Variants in BMP3 observed in about 807,000 individuals in gnomAD.
The protein encoded by BMP3 is bone morphogenetic protein 3, also known as bone morphogenetic protein 3 (osteogenic).
In BMP3, 23 loss-of-function variants were observed where a neutral mutation model predicts 38.1. The ratio of observed to expected loss-of-function variants is 0.60; its 90% CI spans 0.43 to 0.86. The LOEUF (loss-of-function observed/expected upper bound fraction) is 0.86, where lower values mean the gene tolerates loss of function less well. Ranked by LOEUF, BMP3 falls within the 40% of genes least tolerant of loss-of-function variation. The probability of loss-of-function intolerance (pLI) is 0.00; values close to 1 mark genes in which losing one functional copy is unlikely to be tolerated. For missense variants in BMP3, 628 were observed against 579.6 expected (o/e 1.08, Z -0.86); for synonymous variants, 258 against 225.7 (o/e 1.14, Z -1.28).
intron 1 of BMP3, among the ~76,000 whole-genome samples, chr4:81,045,396 T>C (rs930581740): frequency 6.6e-6 from 1 of 152,200 alleles, no homozygotes; most frequent in African/African-American, 2.4e-5. Context: ...TTTTATCTTA[T>C]TATGGAAGTT....
At chr4:81,042,860 G>C (rs1740116945) in intron 1 of BMP3, among the ~76,000 whole-genome samples, 1 of 152,150 alleles carries the variant, frequency 6.6e-6, no homozygotes, top group Admixed American at 6.5e-5. Context: ...TTGGGTAAAA[G>C]TATATGCTCC....
chr4:81,038,223 G>T (rs1195833211), intron 1 of BMP3, among the ~76,000 whole-genome samples: 1 of 151,986 alleles, frequency 6.6e-6, no homozygotes, highest in Non-Finnish European at 1.5e-5. Context: ...TGATGGTTTT[G>T]CCATAAAGAA....
At chr4:81,038,414 C>T (rs1476044798) in intron 1 of BMP3, among the ~76,000 whole-genome samples, 1 of 152,088 alleles carries the variant, frequency 6.6e-6, no homozygotes, top group Non-Finnish European at 1.5e-5. Flanking sequence ...GCACAGTTTG[C>T]CATGTAGTTG....
chr4:81,047,151 T>C (rs1042631764), intron 2 of BMP3, among the ~76,000 whole-genome samples: 7 of 152,202 alleles, frequency 4.6e-5, no homozygotes, highest in Non-Finnish European at 7.3e-5. Context: ...AGGATCAGGA[T>C]TGACTCAGGT....
chr4:81,042,702 T>G (rs1225527070), intron 1 of BMP3, among the ~76,000 whole-genome samples: 1 of 152,198 alleles, frequency 6.6e-6, no homozygotes, highest in Non-Finnish European at 1.5e-5. Flanking sequence ...CAGGATTGGT[T>G]TACCCATTAA....
intron 1 of BMP3, among the ~76,000 whole-genome samples, chr4:81,044,579 T>G (rs1047781507): frequency 2.0e-5 from 3 of 152,232 alleles, no homozygotes; most frequent in African/African-American, 4.8e-5. Flanking sequence ...TTCCAAAATA[T>G]TTCCACAATT....
At chr4:81,037,584 T>C (rs1328475344) in intron 1 of BMP3, among the ~76,000 whole-genome samples, 1 of 152,148 alleles carries the variant, frequency 6.6e-6, no homozygotes, top group East Asian at 1.9e-4. Context: ...AGTTTTGAAG[T>C]CCTATATAAA....
chr4:81,048,790 A>C (rs1740328494), intron 2 of BMP3, among the ~76,000 whole-genome samples: 1 of 152,232 alleles, frequency 6.6e-6, no homozygotes, highest in Non-Finnish European at 1.5e-5. Context: ...AGGGCATCTT[A>C]AACCTTAATG....
In BMP3 at chr4:81,055,116, G is replaced by C. The variant is rs144041262; in HGVS notation, c.*1580G>C. 1.1e-3 allele frequency: 165 copies of C among 152,256 alleles called. No homozygotes were observed. The highest frequency in any genetic ancestry group is 3.7e-3 in the African/African-American group (154 of 41,554). The allele number at this position is 152,256 out of a possible 1,614,324, so 9.4% of individuals were successfully genotyped here. A position where few individuals can be genotyped will look rare whatever the true frequency, so the allele number is the denominator to read the frequency against. The stretch of plus-strand genomic sequence containing the variant: ...GCTGGCCATGAGCTGGAAGGGTTAA[G>C]TTTATAATTCCAGCTATTTCACACC... On this transcript the variant is annotated 3_prime_UTR_variant, in exon 3 of 3. Transcript: ENST00000282701.
chr4:81,038,776 A>G (rs1010331681), intron 1 of BMP3, among the ~76,000 whole-genome samples: 28 of 152,214 alleles, frequency 1.8e-4, no homozygotes, highest in African/African-American at 6.5e-4. Flanking sequence ...TTCATTCAAC[A>G]CACCTAACAA....
Position 81,031,607 on chromosome 4 carries a change from G to A in BMP3, c.316+7G>A. ...TTTCGGGCGGCAGCAGCAGGTGAGT[G>A]CGCGAGGTGAGACTCCCTTCCCGCG... On this transcript the variant is annotated splice_region_variant and intron_variant, in intron 1 of 2. Transcript: ENST00000282701. 1.9e-6 allele frequency: 3 copies of A among 1,577,148 alleles called. No homozygotes were observed. Among genetic ancestry groups the A allele is most frequent in the Non-Finnish European group, 2.6e-6 (3 of 1,163,548 alleles).
At position 81,046,256 on chromosome 4, in the gene BMP3, G is replaced by T; in HGVS notation, c.835G>T (p.Ala279Ser). 6.2e-7 allele frequency: 1 copy of T among 1,614,096 alleles called. No individual in the cohort carries two copies. Among genetic ancestry groups the T allele is most frequent in the Non-Finnish European group, 8.5e-7 (1 of 1,180,012 alleles). ...TCCCAAATGGGATAGCCACATCAGA[G>T]CTGCCCTTTCCATTGAGCGGAGGAA... ...TVPKWDSHIR[A>S]ALSIERRKKR... Residue 279 changes from alanine to serine, a missense_variant, in exon 2 of 3, where the codon GCT becomes TCT. Coordinates refer to ENST00000282701, the MANE Select transcript of BMP3 (RefSeq NM_001201.5).
Position 81,031,053 on chromosome 4 carries a change from C to G in BMP3, c.-232C>G, listed in dbSNP as rs1739737738. On this transcript the variant is annotated 5_prime_UTR_variant, in exon 1 of 3. Transcript: ENST00000282701. ...GAGACGGCGCCCGCAGCGCCCTGCG[C>G]GGGTGAGGTCCGCGCAGCTGCTGGG... 1 of 528,626 alleles carries G rather than the reference C, an allele frequency of 1.9e-6. No individual in the cohort carries two copies. Among genetic ancestry groups the G allele is most frequent in the African/African-American group, 2.0e-5 (1 of 49,000 alleles). The allele number at this position is 528,626 out of a possible 1,614,324, so 32.7% of individuals were successfully genotyped here.
chr4:81,040,278 T>C (rs190339717), intron 1 of BMP3, among the ~76,000 whole-genome samples: 1 of 152,328 alleles, frequency 6.6e-6, no homozygotes, highest in Non-Finnish European at 1.5e-5. Flanking sequence ...AAAATATTTC[T>C]TTGGGGAAAG....
chr4:81,041,337 A>T (rs992050743), intron 1 of BMP3, among the ~76,000 whole-genome samples: 2 of 152,242 alleles, frequency 1.3e-5, no homozygotes, highest in African/African-American at 4.8e-5. Flanking sequence ...AAGATCATTA[A>T]CTTACACAAA....
intron 1 of BMP3, among the ~76,000 whole-genome samples, chr4:81,044,699 T>C (rs1027109931): frequency 2.0e-5 from 3 of 152,226 alleles, no homozygotes; most frequent in South Asian, 4.1e-4. Flanking sequence ...CTATTCTGGA[T>C]ATTCCATATA....
chr4:81,034,285 T>C (rs1246002885), intron 1 of BMP3, among the ~76,000 whole-genome samples: 2 of 152,136 alleles, frequency 1.3e-5, no homozygotes, highest in African/African-American at 4.8e-5. Flanking sequence ...TAAAGATAGG[T>C]TTTATCTTTC....
Position 81,053,601 on chromosome 4 carries a change from GTTTTTTTTTTT to G in BMP3, c.*75_*85del. 8.4e-6 allele frequency: 3 copies of G among 357,148 alleles called. No homozygotes were observed. Among genetic ancestry groups the G allele is most frequent in the Non-Finnish European group, 1.2e-5 (3 of 241,116 alleles). The allele number at this position is 357,148 out of a possible 1,614,324, so 22.1% of individuals were successfully genotyped here. A position where few individuals can be genotyped will look rare whatever the true frequency, so the allele number is the denominator to read the frequency against. ...AGTTTATTTTTATGGACTTCTTCCTGTTTTTTTTTTTTTTTTTTTTGCACTGCCAATGCATT... is the reference window on the plus strand; with the variant it reads ...AGTTTATTTTTATGGACTTCTTCCTGTTTTTTTTTGCACTGCCAATGCATT... On this transcript the variant is annotated 3_prime_UTR_variant, in exon 3 of 3. Coordinates refer to ENST00000282701, the MANE Select transcript of BMP3 (RefSeq NM_001201.5).
In BMP3 at chr4:81,045,951, G is replaced by A; in HGVS notation, c.530G>A (p.Ser177Asn). The A allele has an allele frequency of 5.0e-6, 8 of 1,614,020 alleles. No homozygotes were observed. The highest frequency in any genetic ancestry group is 5.9e-6 in the Non-Finnish European group (7 of 1,180,000). Reference protein sequence around the residue: ...AWTLKFSRNQSQLLGHLSVDM... With the variant: ...AWTLKFSRNQNQLLGHLSVDM... ...ACCCTCAAATTCAGCAGAAACCAAA[G>A]TCAACTCCTTGGCCATCTGTCAGTG... Residue 177 changes from serine to asparagine, a missense_variant, in exon 2 of 3, where the codon AGT becomes AAT. Physicochemically the swap from Ser to Asn is conservative, Grantham distance 46. Coordinates refer to ENST00000282701, the MANE Select transcript of BMP3 (RefSeq NM_001201.5).
Sources: gnomAD v4.1 joint callset for allele counts (sites outside exome capture counted in the v4.1 genomes callset) on GRCh38, gnomAD v4.1.1 for gene constraint, MANE v1.5 for transcripts, NCBI Gene and HGNC (gene_info 2026-07-23, HGNC 2026-07-21) for gene names.